Variants in LGALS9C observed in about 807,000 individuals in gnomAD.
LGALS9C encodes galectin-9C.
Under a neutral mutation model 41.3 loss-of-function variants are expected in LGALS9C, and 7 were observed. That is an observed-to-expected ratio of 0.17 (90% confidence interval 0.10 to 0.32). The LOEUF (loss-of-function observed/expected upper bound fraction) is 0.32. LGALS9C is among the 10% of genes least tolerant of loss of function. The pLI is 1.00. For synonymous variants in LGALS9C, 44 were observed against 171.0 expected, an observed-to-expected ratio of 0.26 and a Z score of 5.80; for missense variants, 102 against 455.2, an observed-to-expected ratio of 0.22 and a Z score of 7.06.
At position 18,494,532 on chromosome 17, in the gene LGALS9C, A is replaced by C. The variant is rs1280569186; in HGVS notation, c.*165A>C. The C allele has an allele frequency of 8.6e-7, 1 of 1,167,764 alleles. No homozygotes were observed. Among genetic ancestry groups the C allele is most frequent in the African/African-American group, 1.4e-5 (1 of 69,142 alleles). 72.3% of individuals were successfully genotyped at this position (1,167,764 alleles called of 1,614,324 possible). ...CTGCTTCTGGCTACAGCCACCCTGG[A>C]ATCGAGAAGGCAGCTGACTGGGATT... On this transcript the variant is annotated 3_prime_UTR_variant, in exon 11 of 11. Coordinates refer to ENST00000328114, the MANE Select transcript of LGALS9C (RefSeq NM_001040078.3).
chr17:18,480,225 AACAC>A lies in LGALS9C; in HGVS notation c.39+3334_39+3337del, dbSNP rs1283197570. On this transcript the variant is annotated intron_variant, in intron 1 of 10. Transcript: ENST00000328114. The stretch of plus-strand genomic sequence containing the variant: ...TCCTGTCTCAAAAAAAAAAAAAAAA[AACAC>A]AACAAACAAACAAACAAAACCCCCA... 3.2e-5 allele frequency among the ~76,000 whole-genome samples: 4 copies of A among 125,368 alleles called. 1 individual carries two copies. The highest frequency in any genetic ancestry group is 7.7e-5 in the Non-Finnish European group (4 of 52,006). 82.2% of individuals were successfully genotyped at this position (125,368 alleles called of 152,430 possible). A position where few individuals can be genotyped will look rare whatever the true frequency, so the allele number is the denominator to read the frequency against.
At position 18,478,069 on chromosome 17, in the gene LGALS9C, C is replaced by CT. The variant is rs1294918258; in HGVS notation, c.39+1177dup. Among the ~76,000 whole-genome samples the CT allele has an allele frequency of 2.4e-5, 3 of 126,840 alleles. 1 individual carries two copies. Among genetic ancestry groups the CT allele is most frequent in the Non-Finnish European group, 5.8e-5 (3 of 51,946 alleles). 83.2% of individuals were successfully genotyped at this position (126,840 alleles called of 152,430 possible). On this transcript the variant is annotated intron_variant, in intron 1 of 10. Transcript: ENST00000328114. ...AGAAAGGAGGCCTGTTTCCTCCTGG[C>CT]TGTCACCAATGACCCCTCAGCCACC...
At position 18,483,174 on chromosome 17, in the gene LGALS9C, C is replaced by T. The variant is rs1296422922; in HGVS notation, c.40-701C>T. ...ATGGCCCATAGCTCCTTTAAAGAGG[C>T]GCGGAAGAGAGAATTTGACAAAGTG... On this transcript the variant is annotated intron_variant, in intron 1 of 10. Transcript: ENST00000328114. Among the ~76,000 whole-genome samples the T allele has an allele frequency of 2.4e-5, 3 of 123,080 alleles. 1 individual carries two copies. The highest frequency in any genetic ancestry group is 5.9e-5 in the Non-Finnish European group (3 of 50,726). The allele number at this position is 123,080 out of a possible 152,430, so 80.7% of individuals were successfully genotyped here.
Position 18,486,006 on chromosome 17 carries a change from C to A in LGALS9C, c.204C>A (p.Asp68Glu), listed in dbSNP as rs762341435. The A allele has an allele frequency of 3.9e-6, 5 of 1,278,214 alleles. 1 individual carries two copies. In the East Asian group the frequency reaches 1.1e-4, roughly 29 times the overall value. 79.2% of individuals were successfully genotyped at this position (1,278,214 alleles called of 1,614,324 possible). A position where few individuals can be genotyped will look rare whatever the true frequency, so the allele number is the denominator to read the frequency against. Residue 68 changes from aspartate to glutamate, a missense_variant, in exon 3 of 11, where the codon GAC becomes GAA. Physicochemically the swap from Asp to Glu is conservative, Grantham distance 45 (BLOSUM62 2). Coordinates refer to ENST00000328114, the MANE Select transcript of LGALS9C (RefSeq NM_001040078.3). ...TCCACTTCAACCCTCGGTTTGAAGA[C>A]GGAGGGTATGTGGTGTGCAACACGA... ...IAFHFNPRFE[D>E]GGYVVCNTRQ...
At chr17:18,486,979 C>CA (rs1267129857) in intron 3 of LGALS9C, 1 of 144,490 alleles carries the variant, frequency 6.9e-6, no homozygotes, top group African/African-American at 2.6e-5. Context: ...CTGTGGCACA[C>CA]ATTTACCTAG....
At chr17:18,478,707 G>A (rs1193453124) in intron 1 of LGALS9C, among the ~76,000 whole-genome samples, 2 of 63,084 alleles carry the variant, frequency 3.2e-5, no homozygotes, top group Admixed American at 3.3e-4. Context: ...AGGACGTTCC[G>A]AGCTTCCTCA....
At position 18,487,670 on chromosome 17, in the gene LGALS9C, C is replaced by A; in HGVS notation, c.357C>A (p.Phe119Leu). 1 of 1,511,258 alleles carries A rather than the reference C, an allele frequency of 6.6e-7. No homozygotes were observed. 93.6% of individuals were successfully genotyped at this position (1,511,258 alleles called of 1,614,324 possible). A position where few individuals can be genotyped will look rare whatever the true frequency, so the allele number is the denominator to read the frequency against. ...DFKVMVNGSL[F>L]VQYFHRVPFH... ...AGGTGATGGTGAACGGGAGCCTCTTCGTGCAGTACTTCCACCGCGTGCCCT... is the reference window on the plus strand; with the variant it reads ...AGGTGATGGTGAACGGGAGCCTCTTAGTGCAGTACTTCCACCGCGTGCCCT... Residue 119 changes from phenylalanine to leucine, a missense_variant, in exon 4 of 11, where the codon TTC becomes TTA. By Grantham distance (22) the Phe-to-Leu change is conservative. Coordinates refer to ENST00000328114, the MANE Select transcript of LGALS9C (RefSeq NM_001040078.3).
Position 18,482,673 on chromosome 17 carries a change from G to A in LGALS9C, c.40-1202G>A, listed in dbSNP as rs868500922. On this transcript the variant is annotated intron_variant, in intron 1 of 10. Coordinates refer to ENST00000328114, the MANE Select transcript of LGALS9C (RefSeq NM_001040078.3). ...CCACAGTCCCCACCACTCCCTACCT[G>A]GCCATCTGACTCATACACATCACCT... 6.6e-3 allele frequency among the ~76,000 whole-genome samples: 929 copies of A among 141,476 alleles called. 2 individuals carry two copies. The highest frequency in any genetic ancestry group is 0.032 in the Middle Eastern group (9 of 282). The allele number at this position is 141,476 out of a possible 152,430, so 92.8% of individuals were successfully genotyped here.
chr17:18,485,033 G>A (rs920880816), intron 2 of LGALS9C, among the ~76,000 whole-genome samples: 1 of 128,220 alleles, frequency 7.8e-6, no homozygotes, highest in African/African-American at 2.5e-5. Context: ...CTACCTCAGA[G>A]GGCCCTCTCC....
chr17:18,486,969 CTGTGGCA>C, intron 3 of LGALS9C: 1 of 141,394 alleles, frequency 7.1e-6, no homozygotes, highest in Non-Finnish European at 1.6e-5. Context: ...CAGCAAAACA[CTGTGGCA>C]CACATTTACC....
Position 18,491,274 on chromosome 17 carries a change from C to T in LGALS9C, c.578C>T (p.Thr193Ile), listed in dbSNP as rs746922931. The part of the protein sequence containing the change: ...SVRPANPAPI[T>I]QTVIHTVQSA... ...TGAGACCTGGTTTCTTTCTTCCAGA[C>T]CCAGACAGTCATCCACACGGTGCAG... The change falls in exon 7 of 11, where the codon ACC (threonine) becomes ATC (isoleucine). Residue 193 changes from threonine to isoleucine, a missense_variant and splice_region_variant. Physicochemically the swap from Thr to Ile is moderately conservative, Grantham distance 89 (BLOSUM62 -1). Transcript: ENST00000328114. 7 of 1,485,394 alleles carry T rather than the reference C, an allele frequency of 4.7e-6. 1 individual carries two copies. Among genetic ancestry groups the T allele is most frequent in the East Asian group, 2.2e-5 (1 of 44,676 alleles). The allele number at this position is 1,485,394 out of a possible 1,614,324, so 92.0% of individuals were successfully genotyped here. A position where few individuals can be genotyped will look rare whatever the true frequency, so the allele number is the denominator to read the frequency against.
rs1725650 is a variant in LGALS9C at position 18,492,693 on chromosome 17, C to G, written c.762-4C>G. The G allele has an allele frequency of 0.17, 190,604 of 1,146,222 alleles. 40,058 individuals are homozygous for G. The highest frequency in any genetic ancestry group is 0.2 in the Middle Eastern group (777 of 3,944). 71.0% of individuals were successfully genotyped at this position (1,146,222 alleles called of 1,614,324 possible). On this transcript the variant is annotated splice_polypyrimidine_tract_variant and splice_region_variant and intron_variant, in intron 9 of 10. Coordinates refer to ENST00000328114, the MANE Select transcript of LGALS9C (RefSeq NM_001040078.3). ...CAAAGGTCCAGGTAGGCTGCCCACC[C>G]CAGGTTCCACATCAACCTGTGCTCT... is the stretch of plus-strand genomic sequence containing the variant.
At chr17:18,479,867 G>GCTGC (rs200825452) in intron 1 of LGALS9C, among the ~76,000 whole-genome samples, 4,859 of 123,350 alleles carry the variant, frequency 0.039, 146 homozygotes, top group South Asian at 0.13. Flanking sequence ...GCTTCTAGAG[G>GCTGC]CTGCCTGCCT....
intron 10 of LGALS9C, 132 bp from the exon 11 acceptor site, chr17:18,494,089 C>T (rs1328525603): frequency 4.8e-5 from 28 of 582,202 alleles, no homozygotes; most frequent in East Asian, 3.1e-4. Context: ...AAGAGCCGGT[C>T]GCTCAGTGGG....
At chr17:18,486,807 A>T (rs4924883) in intron 3 of LGALS9C, 17,556 of 130,706 alleles carry the variant, frequency 0.13, 217 homozygotes, top group African/African-American at 0.28. Context: ...AAACACCGCA[A>T]GTTCTCACTT....
chr17:18,477,210 G>T (rs1274216158), intron 1 of LGALS9C, among the ~76,000 whole-genome samples: 2 of 130,886 alleles, frequency 1.5e-5, no homozygotes, highest in East Asian at 3.9e-4. Context: ...GCATGCTTCT[G>T]GGACAGTAAG....
At position 18,480,208 on chromosome 17, in the gene LGALS9C, CAAA is replaced by C. The variant is rs1186218936; in HGVS notation, c.39+3331_39+3333del. On this transcript the variant is annotated intron_variant, in intron 1 of 10. Coordinates refer to ENST00000328114, the MANE Select transcript of LGALS9C (RefSeq NM_001040078.3). Reference sequence around the variant, plus strand: ...TGGGTGACAGAATGAGATCCTGTCTCAAAAAAAAAAAAAAAAAACACAACAAAC... The same window carrying C: ...TGGGTGACAGAATGAGATCCTGTCTCAAAAAAAAAAAAAAACACAACAAAC... 4.7e-4 allele frequency among the ~76,000 whole-genome samples: 40 copies of C among 85,940 alleles called. 2 individuals carry two copies. The highest frequency in any genetic ancestry group is 1.3e-3 in the African/African-American group (38 of 30,348). The allele number at this position is 85,940 out of a possible 152,430, so 56.4% of individuals were successfully genotyped here.
chr17:18,479,420 C>A (rs1288339212), intron 1 of LGALS9C, among the ~76,000 whole-genome samples: 2 of 129,904 alleles, frequency 1.5e-5, no homozygotes, highest in African/African-American at 5.0e-5. Flanking sequence ...TGGCATTCCA[C>A]CCAGTCCTCT....
At chr17:18,478,673 G>C (rs1282596015) in intron 1 of LGALS9C, among the ~76,000 whole-genome samples, 2 of 73,684 alleles carry the variant, frequency 2.7e-5, no homozygotes, top group Admixed American at 2.8e-4. Flanking sequence ...TGTGGCCCAG[G>C]AAGCACTGCG....
Sources: gnomAD v4.1 joint callset for allele counts (sites outside exome capture counted in the v4.1 genomes callset) on GRCh38, gnomAD v4.1.1 for gene constraint, MANE v1.5 for transcripts, NCBI Gene and HGNC (gene_info 2026-07-23, HGNC 2026-07-21) for gene names.